Variants in DCC observed in about 807,000 individuals in gnomAD.
DCC encodes netrin receptor DCC.
Under a neutral mutation model 172.5 loss-of-function variants are expected in DCC, and 58 were observed. The ratio of observed to expected loss-of-function variants is 0.34; its 90% CI spans 0.27 to 0.42. DCC has a LOEUF of 0.42. Ranked by LOEUF, DCC falls within the 10% of genes least tolerant of loss-of-function variation. The pLI, the probability that DCC is intolerant of heterozygous loss-of-function variation, is 1.00. For synonymous variants in DCC, 709 were observed against 644.5 expected (o/e 1.10, Z -1.52); for missense variants, 1,740 against 1,791.0 (o/e 0.97, Z 0.51).
chr18:52,610,165 AAAAAAAAAAAAAAATATATATATATATAT>A (rs2034229041), intron 1 of DCC, among the ~76,000 whole-genome samples: 1 of 22,916 alleles, frequency 4.4e-5, no homozygotes, highest in African/African-American at 2.1e-4. Flanking sequence ...AAAAAAAAAA[AAAAAAAAAAAAAAATATATATATATATAT>A]ATATATATAT....
intron 25 of DCC, chr18:53,481,087 G>T (rs950018971): frequency 3.9e-5 from 6 of 152,190 alleles, no homozygotes; most frequent in Non-Finnish European, 7.3e-5. Flanking sequence ...AAATAGAGAA[G>T]AGAGGAGAGA....
In DCC at chr18:52,752,053, G is replaced by C; in HGVS notation, c.92-1G>C. 1.2e-6 allele frequency: 2 copies of C among 1,613,402 alleles called. No individual in the cohort carries two copies. The highest frequency in any genetic ancestry group is 1.7e-6 in the Non-Finnish European group (2 of 1,179,420). On this transcript the variant is annotated splice_acceptor_variant, in intron 1 of 28. Transcript: ENST00000442544. LOFTEE classifies it high-confidence loss of function. ...TATTTCCCTGTGCTCTCTTGTTCCA[G>C]GTTTTCAAATTAAAGCTTTCACAGC...
chr18:52,400,473 G>C (rs762184251), intron 1 of DCC, among the ~76,000 whole-genome samples: 21 of 151,720 alleles, frequency 1.4e-4, no homozygotes, highest in Non-Finnish European at 2.4e-4. Flanking sequence ...TGGAGAAATA[G>C]AAGCACTTTT....
chr18:53,257,288 G>A (rs1255689305), intron 12 of DCC, among the ~76,000 whole-genome samples: 5 of 152,142 alleles, frequency 3.3e-5, no homozygotes, highest in Non-Finnish European at 4.4e-5. Context: ...CGTGTCTTGT[G>A]CCAGTTTTCA....
intron 2 of DCC, among the ~76,000 whole-genome samples, chr18:52,849,731 A>C (rs2038946813): frequency 6.6e-6 from 1 of 152,194 alleles, no homozygotes; most frequent in Non-Finnish European, 1.5e-5. Flanking sequence ...TTAGCACAGA[A>C]AATCTAGCAT....
chr18:53,057,403 T>G (rs1309153700), intron 5 of DCC, among the ~76,000 whole-genome samples: 1 of 152,142 alleles, frequency 6.6e-6, no homozygotes, highest in Non-Finnish European at 1.5e-5. Flanking sequence ...TGATAAACAC[T>G]TTTAAAAAAC....
intron 5 of DCC, among the ~76,000 whole-genome samples, chr18:52,948,160 G>T (rs1305680485): frequency 6.6e-6 from 1 of 152,154 alleles, no homozygotes; most frequent in African/African-American, 2.4e-5. Flanking sequence ...TTTTCAGTGT[G>T]CTGTTCCATG....
At chr18:52,633,901 C>A (rs2034723221) in intron 1 of DCC, among the ~76,000 whole-genome samples, 1 of 152,226 alleles carries the variant, frequency 6.6e-6, no homozygotes, top group African/African-American at 2.4e-5. Flanking sequence ...GTAACGCTAG[C>A]ACAGCCCCTG....
chr18:52,388,409 GAATT>G (rs758435113), intron 1 of DCC, among the ~76,000 whole-genome samples: 92 of 152,156 alleles, frequency 6.0e-4, no homozygotes, highest in Non-Finnish European at 9.4e-4. Context: ...TCAGACAAGA[GAATT>G]AATTTTTATT....
intron 2 of DCC, among the ~76,000 whole-genome samples, chr18:52,897,714 A>T (rs1204044596): frequency 7.9e-6 from 1 of 125,838 alleles, no homozygotes; most frequent in Non-Finnish European, 1.9e-5. Context: ...ATAAGATCAC[A>T]TAGGGTGAAC....
Position 52,555,948 on chromosome 18 carries a change from A to G in DCC, c.92-196106A>G, listed in dbSNP as rs556030116. Reference sequence around the variant, plus strand: ...ATCCCATTACCCACAGTCATTATGCATCATTGTGTGAATGTTTGCTCTAAT... The same window carrying G: ...ATCCCATTACCCACAGTCATTATGCGTCATTGTGTGAATGTTTGCTCTAAT... On this transcript the variant is annotated intron_variant, in intron 1 of 28. Transcript: ENST00000442544. Among the ~76,000 whole-genome samples, 166 of 152,254 alleles carry G rather than the reference A, an allele frequency of 1.1e-3. 2 individuals carry two copies. Among genetic ancestry groups the G allele is most frequent in the Middle Eastern group, 6.8e-3 (2 of 294 alleles).
chr18:53,060,844 T>C (rs530278615), intron 5 of DCC, among the ~76,000 whole-genome samples: 1 of 152,244 alleles, frequency 6.6e-6, no homozygotes, highest in South Asian at 2.1e-4. Context: ...AACTCAATCA[T>C]TTGTTTTTTG....
At chr18:53,190,832 G>T (rs1464258370) in intron 9 of DCC, among the ~76,000 whole-genome samples, 1 of 152,130 alleles carries the variant, frequency 6.6e-6, no homozygotes. Flanking sequence ...TGTAGTCCCG[G>T]CTACTGGGGA....
At chr18:53,190,856 G>C (rs2144511387) in intron 9 of DCC, among the ~76,000 whole-genome samples, 1 of 152,272 alleles carries the variant, frequency 6.6e-6, no homozygotes, top group Middle Eastern at 3.4e-3. Flanking sequence ...CAAGGCAGGA[G>C]AATGGCGTGA....
intron 2 of DCC, among the ~76,000 whole-genome samples, chr18:52,767,097 A>G (rs1402669953): frequency 6.6e-6 from 1 of 150,416 alleles, no homozygotes; most frequent in Non-Finnish European, 1.5e-5. Flanking sequence ...GTTCTTCCCC[A>G]TCTAGGTGGG....
intron 7 of DCC, among the ~76,000 whole-genome samples, chr18:53,117,016 A>G (rs2043418402): frequency 6.6e-6 from 1 of 151,710 alleles, no homozygotes; most frequent in Admixed American, 6.6e-5. Context: ...ACTATTTTTT[A>G]GATGGAAAGT....
chr18:52,929,867 C>T lies in DCC; in HGVS notation c.985+4497C>T, dbSNP rs544166255. 2.6e-3 allele frequency among the ~76,000 whole-genome samples: 390 copies of T among 150,330 alleles called. 1 individual carries two copies. The highest frequency in any genetic ancestry group is 9.2e-3 in the African/African-American group (376 of 40,960). On this transcript the variant is annotated intron_variant, in intron 5 of 28. Transcript: ENST00000442544. ...ACACACACACACACACACACACTCA[C>T]GTTTGTTTTCTCCATATAAGTGAAA...
At chr18:52,944,937 T>C (rs1235588205) in intron 5 of DCC, among the ~76,000 whole-genome samples, 1 of 152,232 alleles carries the variant, frequency 6.6e-6, no homozygotes, top group African/African-American at 2.4e-5. Flanking sequence ...GGCAGATAAA[T>C]CATATATCTC....
intron 9 of DCC, among the ~76,000 whole-genome samples, chr18:53,188,784 C>A (rs939356430): frequency 2.0e-5 from 3 of 152,146 alleles, no homozygotes; most frequent in Non-Finnish European, 2.9e-5. Context: ...TTCCTTGCCT[C>A]TTCCTAGCTT....
Sources: gnomAD v4.1 joint callset for allele counts (sites outside exome capture counted in the v4.1 genomes callset) on GRCh38, gnomAD v4.1.1 for gene constraint, MANE v1.5 for transcripts, NCBI Gene and HGNC (gene_info 2026-07-23, HGNC 2026-07-21) for gene names.